Variants in RIPK4 observed in about 807,000 individuals in gnomAD.
RIPK4 encodes receptor interacting serine/threonine kinase 4.
Under a neutral mutation model 42.9 loss-of-function variants are expected in RIPK4, and 17 were observed. That is an observed-to-expected ratio of 0.40 (90% CI 0.27 to 0.59). The LOEUF (loss-of-function observed/expected upper bound fraction) is 0.59. Among genes scored for constraint, RIPK4 ranks in the 20% least tolerant of loss-of-function variants. The pLI, the probability that RIPK4 is intolerant of heterozygous loss-of-function variation, is 0.47. For synonymous variants in RIPK4, 498 were observed against 499.1 expected, an observed-to-expected ratio of 1.00 and a Z score of 0.03; for missense variants, 897 against 1,104.4, an observed-to-expected ratio of 0.81 and a Z score of 2.66.
rs758130125 is a variant in RIPK4, at chr21:41,744,130, G to T, written c.947C>A (p.Ala316Glu). The change falls in exon 7 of 8, where the codon GCG (alanine) becomes GAG (glutamate). Residue 316 changes from alanine (A) to glutamate (E), a missense_variant. Ala to Glu is a moderately radical substitution (Grantham distance 107, BLOSUM62 -1). Transcript: ENST00000332512. Reference protein sequence around the residue: ...PPEPRSEVVPARLKRASAPTF... With the variant: ...PPEPRSEVVPERLKRASAPTF... ...GGGGGCAGAGGCCCGCTTGAGCCTC[G>T]CAGGCACCACCTGCGAAGATGCAGA... The T allele has an allele frequency of 6.3e-7, 1 of 1,591,244 alleles. No homozygotes were observed. The highest frequency in any genetic ancestry group is 1.7e-5 in the Admixed American group (1 of 58,188).
At chr21:41,764,042 G>A (rs1172582902) in intron 1 of RIPK4, among the ~76,000 whole-genome samples, 4 of 152,098 alleles carry the variant, frequency 2.6e-5, no homozygotes, top group Non-Finnish European at 5.9e-5. Flanking sequence ...CCGAGGCACC[G>A]AGCCCCATGA....
chr21:41,750,783 A>C (rs2061186117), intron 3 of RIPK4, among the ~76,000 whole-genome samples: 1 of 152,164 alleles, frequency 6.6e-6, no homozygotes, highest in Non-Finnish European at 1.5e-5. Context: ...GGGCTCAAGC[A>C]ATCCCCCAAC....
rs935404461 is a variant in RIPK4 at position 41,744,077 on chromosome 21, C to G, written c.1000G>C (p.Glu334Gln). 4 of 1,611,752 alleles carry G rather than the reference C, an allele frequency of 2.5e-6. No homozygotes were observed. In the African/African-American group the frequency reaches 4.0e-5, roughly 16 times the overall value. The change falls in exon 7 of 8, where the codon GAG becomes CAG. Residue 334 changes from glutamate to glutamine, a missense_variant. Coordinates refer to ENST00000332512, the MANE Select transcript of RIPK4 (RefSeq NM_020639.3). ...PTFDNDYSLS[E>Q]LLSQLDSGVS... ...CCAGAGTCCAGCTGTGAGAGCAGCT[C>G]GGAGAGGCTGTAGTCGTTATCGAAG...
intron 7 of RIPK4, among the ~76,000 whole-genome samples, chr21:41,743,304 C>T (rs923288203): frequency 6.6e-6 from 1 of 152,184 alleles, no homozygotes; most frequent in African/African-American, 2.4e-5. Flanking sequence ...AAAAAAAGCA[C>T]CTTCCAGAAA....
rs2061205050 is a variant in RIPK4, at chr21:41,756,807, C to A, written c.192G>T (p.Met64Ile). Reference protein sequence around the residue: ...PSLHVDDRERMELLEEAKKME... With the variant: ...PSLHVDDRERIELLEEAKKME... ...TCTTCTTGGCTTCTTCCAAAAGCTC[C>A]ATGCGCTCCCTGAAAAAGTTCAAAG... Residue 64 changes from methionine (M) to isoleucine (I), a missense_variant, in exon 2 of 8, where the codon ATG (methionine) becomes ATT (isoleucine). By Grantham distance (10) the Met-to-Ile change is conservative (BLOSUM62 1). Transcript: ENST00000332512. 1 of 1,611,580 alleles carries A rather than the reference C, an allele frequency of 6.2e-7. No individual in the cohort carries two copies. Among genetic ancestry groups the A allele is most frequent in the Admixed American group, 1.7e-5 (1 of 59,974 alleles).
chr21:41,744,166 G>A (rs555818965), intron 6 of RIPK4, 26 bp from the exon 7 acceptor site: 3 of 1,551,620 alleles, frequency 1.9e-6, no homozygotes, highest in Non-Finnish European at 2.6e-6. Flanking sequence ...AGAGGGGGTG[G>A]GTGAAGACCC....
chr21:41,761,867 T>C (rs781157488), intron 1 of RIPK4, among the ~76,000 whole-genome samples: 3 of 152,196 alleles, frequency 2.0e-5, no homozygotes, highest in Admixed American at 6.5e-5. Context: ...AGTGAGCTCA[T>C]TGGCGACTCT....
rs1483866098 is a variant in RIPK4 at position 41,742,848 on chromosome 21, C to T, written c.1196-851G>A. Among the ~76,000 whole-genome samples, 5 of 152,156 alleles carry T rather than the reference C, an allele frequency of 3.3e-5. No individual in the cohort carries two copies. Among genetic ancestry groups the T allele is most frequent in the Non-Finnish European group, 5.9e-5 (4 of 68,034 alleles). On this transcript the variant is annotated intron_variant, in intron 7 of 7. Coordinates refer to ENST00000332512, the MANE Select transcript of RIPK4 (RefSeq NM_020639.3). The surrounding 1 kb of genome is among the most constrained non-coding windows in gnomAD (Gnocchi z 5.1). ...CCCAAAGAGAATGTTCTAGAACGTA[C>T]TTATCCATGGGAGATGGTGGTATTT...
At chr21:41,761,903 A>G (rs1306444698) in intron 1 of RIPK4, among the ~76,000 whole-genome samples, 1 of 152,016 alleles carries the variant, frequency 6.6e-6, no homozygotes, top group Non-Finnish European at 1.5e-5. Context: ...GCAGCAGTGC[A>G]CACCCCTCCC....
At chr21:41,761,918 G>A (rs772641929) in intron 1 of RIPK4, among the ~76,000 whole-genome samples, 25 of 152,112 alleles carry the variant, frequency 1.6e-4, no homozygotes, top group Admixed American at 1.3e-4. Context: ...CCTCCCCAGC[G>A]CACCGAGTTC....
Position 41,745,799 on chromosome 21 carries a change from T to C in RIPK4, c.896A>G (p.His299Arg), listed in dbSNP as rs773365822. Residue 299 changes from histidine to arginine, a missense_variant, in exon 6 of 8, where the codon CAT (histidine) becomes CGT (arginine). His to Arg is a conservative substitution (Grantham distance 29). Coordinates refer to ENST00000332512, the MANE Select transcript of RIPK4 (RefSeq NM_020639.3). ...KPDDEVKETAHDLDVKSPPEP... is the reference protein window; with the variant it reads ...KPDDEVKETARDLDVKSPPEP... ...CGGGGGGCTTTTCACGTCCAGATCA[T>C]GAGCAGTTTCTTTCACTTCGTCATC... 6.2e-7 allele frequency: 1 copy of C among 1,614,148 alleles called. No homozygotes were observed. The highest frequency in any genetic ancestry group is 8.5e-7 in the Non-Finnish European group (1 of 1,179,992).
At position 41,741,708 on chromosome 21, in the gene RIPK4, G is replaced by A. The variant is rs1196523677; in HGVS notation, c.1485C>T (p.Ile495=). ...GGTCCTCATCCTTGGCGTTGACACT[G>A]ATCTTCCGCGCCAGCAGGAGCTCCA... is the stretch of plus-strand genomic sequence containing the variant. ...GVVELLLARK[I]SVNAKDEDQW... The change falls in exon 8 of 8, where the codon ATC becomes ATT. Residue 495 remains isoleucine (I), a synonymous_variant. Coordinates refer to ENST00000332512, the MANE Select transcript of RIPK4 (RefSeq NM_020639.3). 1 of 1,613,612 alleles carries A rather than the reference G, an allele frequency of 6.2e-7. No homozygotes were observed.
chr21:41,743,754 G>T, intron 7 of RIPK4, 128 bp downstream of exon 7: 1 of 1,219,102 alleles, frequency 8.2e-7, no homozygotes, highest in Non-Finnish European at 1.1e-6. Flanking sequence ...AAGACAGAGA[G>T]AACACAAAGA....
rs1405043104 is a variant in RIPK4, at chr21:41,742,054, G to A, written c.1196-57C>T. ...GTGGCTGCACATCCAGGGACGTGGC[G>A]TCTCTGGGAGCCTGGCTGTGGCGCT... On this transcript the variant is annotated intron_variant, in intron 7 of 7. Transcript: ENST00000332512. This position sits in a 1 kb window ranked among gnomAD's most constrained non-coding sequence, Gnocchi z 5.1. The A allele has an allele frequency of 6.9e-6, 10 of 1,459,796 alleles. No individual in the cohort carries two copies. Among genetic ancestry groups the A allele is most frequent in the East Asian group, 4.6e-5 (2 of 43,692 alleles). 90.4% of individuals were successfully genotyped at this position (1,459,796 alleles called of 1,614,324 possible).
At chr21:41,757,954 G>A (rs7277054) in intron 1 of RIPK4, among the ~76,000 whole-genome samples, 1,679 of 129,380 alleles carry the variant, frequency 0.013, 35 homozygotes, top group African/African-American at 0.047. Context: ...AGCCGAGATC[G>A]CGCCATTGCA....
At position 41,755,266 on chromosome 21, in the gene RIPK4, C is replaced by A. The variant is rs924001243; in HGVS notation, c.474+1259G>T. Among the ~76,000 whole-genome samples the A allele has an allele frequency of 6.6e-6, 1 of 152,238 alleles. No homozygotes were observed. The highest frequency in any genetic ancestry group is 1.5e-5 in the Non-Finnish European group (1 of 68,036). ...TCCATTATCTCAATTTCCTACTTCA[C>A]TTCGCAGGACGGTGCTTCATCTTCT... On this transcript the variant is annotated intron_variant, in intron 2 of 7. Transcript: ENST00000332512. The surrounding 1 kb of genome is among the most constrained non-coding windows in gnomAD (Gnocchi z 4.2).
chr21:41,751,297 T>C lies in RIPK4; in HGVS notation c.475-52A>G, dbSNP rs757837406. The C allele has an allele frequency of 1.1e-5, 18 of 1,598,388 alleles. No homozygotes were observed. Among genetic ancestry groups the C allele is most frequent in the Non-Finnish European group, 1.2e-5 (14 of 1,170,316 alleles). ...TCATTAGCCTGCAACAGTGATATTT[T>C]ATGATGCTTTATCAAAAGCTCCCTT... is the stretch of plus-strand genomic sequence containing the variant. On this transcript the variant is annotated intron_variant, in intron 2 of 7. Coordinates refer to ENST00000332512, the MANE Select transcript of RIPK4 (RefSeq NM_020639.3). The surrounding 1 kb of genome is among the most constrained non-coding windows in gnomAD (Gnocchi z 4.5).
intron 3 of RIPK4, among the ~76,000 whole-genome samples, chr21:41,750,760 A>G (rs576017923): frequency 6.6e-6 from 1 of 151,980 alleles, no homozygotes; most frequent in Non-Finnish European, 1.5e-5. Flanking sequence ...ACTTACTGCA[A>G]TCTCCACCTC....
rs2061189177 is a variant in RIPK4, at chr21:41,751,760, T to C, written c.475-515A>G. The stretch of plus-strand genomic sequence containing the variant: ...TAAAGGGAAACACAGAAACACACCT[T>C]CAGAAGCCCTTTAAACTTTAAAGCA... On this transcript the variant is annotated intron_variant, in intron 2 of 7. Coordinates refer to ENST00000332512, the MANE Select transcript of RIPK4 (RefSeq NM_020639.3). This position sits in a 1 kb window ranked among gnomAD's most constrained non-coding sequence, Gnocchi z 4.5. Among the ~76,000 whole-genome samples, 1 of 152,120 alleles carries C rather than the reference T, an allele frequency of 6.6e-6. No homozygotes were observed. Among genetic ancestry groups the C allele is most frequent in the Non-Finnish European group, 1.5e-5 (1 of 68,024 alleles).
Sources: gnomAD v4.1 joint callset for allele counts (sites outside exome capture counted in the v4.1 genomes callset) on GRCh38, gnomAD v4.1.1 for gene constraint, Gnocchi (gnomAD v3.1) non-coding constraint, MANE v1.5 for transcripts, NCBI Gene and HGNC (gene_info 2026-07-23, HGNC 2026-07-21) for gene names.